The following PCDHGA3 variants were observed in gnomAD, a reference collection of about 807,000 sequenced individuals.
PCDHGA3 encodes the protein protocadherin gamma-A3.
PCDHGA3 carries 40 observed loss-of-function variants against 58.5 expected under a neutral mutation model. The observed-to-expected ratio is 0.68, with a 90% CI of 0.53 to 0.89. PCDHGA3 has a LOEUF of 0.89. Ranked by LOEUF, PCDHGA3 falls within the 40% of genes least tolerant of loss-of-function variation. The pLI is 0.00. For synonymous variants in PCDHGA3, 530 were observed against 525.7 expected (o/e 1.01, Z -0.11); for missense variants, 1,223 against 1,195.9 (o/e 1.02, Z -0.33).
intron 1 of PCDHGA3, among the ~76,000 whole-genome samples, chr5:141,348,890 T>C (rs1469503351): frequency 1.3e-5 from 2 of 152,164 alleles, no homozygotes; most frequent in Non-Finnish European, 2.9e-5. Context: ...TCTCATTTGG[T>C]AATGCATTTG....
At chr5:141,413,993 G>A (rs756042576) in intron 1 of PCDHGA3, 2 of 1,613,486 alleles carry the variant, frequency 1.2e-6, no homozygotes, top group Non-Finnish European at 1.7e-6. Context: ...GCCACCGACA[G>A]GGACGAAGGT....
chr5:141,388,026 G>A, intron 1 of PCDHGA3: 1 of 1,446,900 alleles, frequency 6.9e-7, no homozygotes, highest in South Asian at 1.3e-5. Flanking sequence ...CTCCGTAGTG[G>A]GGAACCTCGC....
intron 1 of PCDHGA3, among the ~76,000 whole-genome samples, chr5:141,349,112 C>A (rs1474394147): frequency 6.6e-6 from 1 of 152,110 alleles, no homozygotes; most frequent in Non-Finnish European, 1.5e-5. Flanking sequence ...GCTCTGTCAC[C>A]CAGGATGGAC....
chr5:141,458,366 GGAGAA>G (rs1437271099), intron 1 of PCDHGA3, among the ~76,000 whole-genome samples: 1 of 152,090 alleles, frequency 6.6e-6, no homozygotes, highest in African/African-American at 2.4e-5. Flanking sequence ...AAGAAGGAAG[GGAGAA>G]GAGAGAAGGA....
chr5:141,508,045 T>A (rs985875804), intron 3 of PCDHGA3: 1 of 152,264 alleles, frequency 6.6e-6, no homozygotes, highest in Non-Finnish European at 1.5e-5. Flanking sequence ...GCCAGCTGTG[T>A]TCCAGCTAAT....
chr5:141,370,858 A>C (rs1028921774), intron 1 of PCDHGA3: 9 of 1,613,928 alleles, frequency 5.6e-6, no homozygotes, highest in Admixed American at 1.7e-5. Context: ...TTTGCCCTGG[A>C]ATCTGCGCAA....
rs754835805 is a variant in PCDHGA3 at position 141,415,008 on chromosome 5, T to C, written c.2424+68551T>C. ...GCCAGAACGCCTGGCTGTCCTACCGTCTGCTCAAGGCCAGCGAGCCGGGAC... is the reference window on the plus strand; with the variant it reads ...GCCAGAACGCCTGGCTGTCCTACCGCCTGCTCAAGGCCAGCGAGCCGGGAC... On this transcript the variant is annotated intron_variant, in intron 1 of 3. Transcript: ENST00000253812. 3.1e-6 allele frequency: 5 copies of C among 1,613,636 alleles called. No individual in the cohort carries two copies. The South Asian group carries it at 3.3e-5, about 11-fold the overall frequency.
rs1414952952 is a variant in PCDHGA3 at position 141,344,292 on chromosome 5, G to C, written c.259G>C (p.Ala87Pro). The C allele has an allele frequency of 1.2e-6, 2 of 1,614,092 alleles. No individual in the cohort carries two copies. Among genetic ancestry groups the C allele is most frequent in the East Asian group, 4.5e-5 (2 of 44,882 alleles). ...LNPQSGSLVT[A>P]ERIDREELCA... ...TCCGCAAAGCGGCAGCTTGGTCACCGCGGAGAGGATAGACCGGGAGGAGCT... is the reference window on the plus strand; with the variant it reads ...TCCGCAAAGCGGCAGCTTGGTCACCCCGGAGAGGATAGACCGGGAGGAGCT... Residue 87 changes from alanine (A) to proline (P), a missense_variant, in exon 1 of 4, where the codon GCG (alanine) becomes CCG (proline). Ala to Pro is a conservative substitution (Grantham distance 27, BLOSUM62 -1). Coordinates refer to ENST00000253812, the MANE Select transcript of PCDHGA3 (RefSeq NM_018916.4).
rs1216200329 is a variant in PCDHGA3, at chr5:141,491,485, C to G, written c.2425-3322C>G. ...CTTCTATAAGCAGTCCAGCCCCAAC[C>G]TGCAGGTGAGCTCGGACGGCACGCT... On this transcript the variant is annotated intron_variant, in intron 1 of 3. Coordinates refer to ENST00000253812, the MANE Select transcript of PCDHGA3 (RefSeq NM_018916.4). This position sits in a 1 kb window ranked among gnomAD's most constrained non-coding sequence, Gnocchi z 6.9. 6.2e-7 allele frequency: 1 copy of G among 1,614,148 alleles called. No individual in the cohort carries two copies. The highest frequency in any genetic ancestry group is 1.3e-5 in the African/African-American group (1 of 75,064).
At chr5:141,414,151 G>T in intron 1 of PCDHGA3, 2 of 1,600,336 alleles carry the variant, frequency 1.2e-6, no homozygotes, top group East Asian at 2.3e-5. Flanking sequence ...AATACAAGCA[G>T]AAGATGGAGG....
intron 2 of PCDHGA3, 117 bp downstream of exon 2, chr5:141,494,982 G>C: frequency 6.4e-7 from 1 of 1,563,940 alleles, no homozygotes; most frequent in Non-Finnish European, 8.7e-7. Context: ...CTCAGTTTGA[G>C]ATCCCAGGGA....
At position 141,476,573 on chromosome 5, in the gene PCDHGA3, C is replaced by T; in HGVS notation, c.2425-18234C>T. 6.2e-7 allele frequency: 1 copy of T among 1,614,216 alleles called. No homozygotes were observed. Among genetic ancestry groups the T allele is most frequent in the Non-Finnish European group, 8.5e-7 (1 of 1,180,038 alleles). On this transcript the variant is annotated intron_variant, in intron 1 of 3. Coordinates refer to ENST00000253812, the MANE Select transcript of PCDHGA3 (RefSeq NM_018916.4). The surrounding 1 kb of genome is among the most constrained non-coding windows in gnomAD (Gnocchi z 7.6). ...TAGCGAGGCCGTGGCTCCGGGGACG[C>T]GCTTTCCGCTCGAGAGCGCGCACGA... is the stretch of plus-strand genomic sequence containing the variant.
At chr5:141,389,315 G>A (rs1257183989) in intron 1 of PCDHGA3, 2 of 1,613,866 alleles carry the variant, frequency 1.2e-6, no homozygotes, top group African/African-American at 1.3e-5. Flanking sequence ...CTTCTGATCC[G>A]GACTTGGGGC....
intron 1 of PCDHGA3, chr5:141,394,346 C>T: frequency 1.2e-6 from 2 of 1,614,156 alleles, no homozygotes; most frequent in Non-Finnish European, 1.7e-6. Context: ...ACTCTGACAC[C>T]GGTGTCCTGT....
At position 141,489,505 on chromosome 5, in the gene PCDHGA3, A is replaced by G. The variant is rs1198371307; in HGVS notation, c.2425-5302A>G. On this transcript the variant is annotated intron_variant, in intron 1 of 3. Transcript: ENST00000253812. The surrounding 1 kb of genome is among the most constrained non-coding windows in gnomAD (Gnocchi z 4.5). ...GAGTGGTGCCCTGGCAGTGAATCAA[A>G]AGATTGACCGAGAAAGCCTATGTGG... The G allele has an allele frequency of 1.9e-6, 3 of 1,613,972 alleles. No homozygotes were observed. The Admixed American group carries it at 5.0e-5, about 27-fold the overall frequency.
At position 141,344,459 on chromosome 5, in the gene PCDHGA3, T is replaced by C. The variant is rs374905915; in HGVS notation, c.426T>C (p.Ile142=). 5.1e-4 allele frequency: 826 copies of C among 1,613,718 alleles called. 1 individual carries two copies. Among genetic ancestry groups the C allele is most frequent in the Non-Finnish European group, 6.4e-4 (752 of 1,179,820 alleles). The change falls in exon 1 of 4, where the codon ATT becomes ATC. Residue 142 remains isoleucine (I), a synonymous_variant. Coordinates refer to ENST00000253812, the MANE Select transcript of PCDHGA3 (RefSeq NM_018916.4). ...CAACAGAGGAATTGGAAATAAAAATTGGTGAACTAACGGTTCCTGGAACCC... is the reference window on the plus strand; with the variant it reads ...CAACAGAGGAATTGGAAATAAAAATCGGTGAACTAACGGTTCCTGGAACCC... ...NFPTEELEIK[I]GELTVPGTRF...
chr5:141,357,757 G>C (rs932647509), intron 1 of PCDHGA3: 1 of 1,061,794 alleles, frequency 9.4e-7, no homozygotes, highest in African/African-American at 1.6e-5. Flanking sequence ...AAAACTGGTG[G>C]ATGACCTTCC....
chr5:141,433,837 C>CAAAAAAAAAAAAAAA (rs56191208), intron 1 of PCDHGA3, among the ~76,000 whole-genome samples: 1 of 111,692 alleles, frequency 9.0e-6, no homozygotes. Flanking sequence ...AACTCTATCT[C>CAAAAAAAAAAAAAAA]AAAAAAAAAA....
chr5:141,386,441 T>C (rs908191919), intron 1 of PCDHGA3, among the ~76,000 whole-genome samples: 3 of 152,152 alleles, frequency 2.0e-5, no homozygotes, highest in African/African-American at 7.2e-5. Context: ...CATGGGAGGC[T>C]GAGGCAAGAG....
Sources: gnomAD v4.1 joint callset for allele counts (sites outside exome capture counted in the v4.1 genomes callset) on GRCh38, gnomAD v4.1.1 for gene constraint, Gnocchi (gnomAD v3.1) non-coding constraint, MANE v1.5 for transcripts, NCBI Gene and HGNC (gene_info 2026-07-23, HGNC 2026-07-21) for gene names.